Variants in ITPK1 observed in about 807,000 individuals in gnomAD.
ITPK1 encodes inositol 1,3,4-trisphosphate 5/6-kinase.
ITPK1 carries 21 observed loss-of-function variants against 45.3 expected under a neutral mutation model. That is an observed-to-expected ratio of 0.46 (90% CI 0.33 to 0.67). ITPK1 has a LOEUF of 0.67. ITPK1 is among the 30% of genes least tolerant of loss of function. ITPK1 has a pLI of 0.02. For synonymous variants in ITPK1, 258 were observed against 253.6 expected (o/e 1.02, Z -0.16); for missense variants, 474 against 573.5 (o/e 0.83, Z 1.77).
In ITPK1 at chr14:93,107,463, C is replaced by T. The variant is rs150935916; in HGVS notation, c.95+7606G>A. Among the ~76,000 whole-genome samples the T allele has an allele frequency of 4.4e-3, 673 of 152,250 alleles. 5 individuals are homozygous for T. Among genetic ancestry groups the T allele is most frequent in the South Asian group, 0.011 (51 of 4,826 alleles). On this transcript the variant is annotated intron_variant, in intron 2 of 10. Transcript: ENST00000267615. ...TAAGTATCAGTGAAGATTCTGACGG[C>T]GAGAGAGGTTTGGAACGAAGACATC...
At chr14:93,074,227 T>C (rs1256946308) in intron 3 of ITPK1, among the ~76,000 whole-genome samples, 1 of 152,236 alleles carries the variant, frequency 6.6e-6, no homozygotes, top group African/African-American at 2.4e-5. Context: ...GGCTTCGTTC[T>C]GGTCCCCAGC....
intron 2 of ITPK1, among the ~76,000 whole-genome samples, chr14:93,107,428 G>A (rs1892568863): frequency 6.6e-6 from 1 of 152,208 alleles, no homozygotes; most frequent in Admixed American, 6.5e-5. Flanking sequence ...CAGGCCCAGT[G>A]GTGGGGGCCT....
At chr14:92,970,698 C>T (rs1447531127) in intron 5 of ITPK1, among the ~76,000 whole-genome samples, 1 of 151,608 alleles carries the variant, frequency 6.6e-6, no homozygotes, top group Non-Finnish European at 1.5e-5. Flanking sequence ...TGCAGTGGCG[C>T]GATCTCTGCT....
At chr14:93,005,608 GTGGTGGAAAGGGACCAGTCCTTGGT>G (rs1282807626) in intron 4 of ITPK1, among the ~76,000 whole-genome samples, 1 of 152,182 alleles carries the variant, frequency 6.6e-6, no homozygotes, top group African/African-American at 2.4e-5. Flanking sequence ...GCTTCCTAAG[GTGGTGGAAAGGGACCAGTCCTTGGT>G]TGGTGGCAGT....
At chr14:92,998,274 C>T (rs760110888) in intron 4 of ITPK1, among the ~76,000 whole-genome samples, 2 of 152,180 alleles carry the variant, frequency 1.3e-5, no homozygotes, top group East Asian at 1.9e-4. Context: ...CTAAACCTGA[C>T]GCAAGGTTTC....
rs183220363 is a variant in ITPK1 at position 93,049,757 on chromosome 14, G to C, written c.120+26838C>G. Among the ~76,000 whole-genome samples the C allele has an allele frequency of 1.3e-3, 156 of 122,800 alleles. 1 individual carries two copies. Among genetic ancestry groups the C allele is most frequent in the African/African-American group, 4.3e-3 (143 of 33,062 alleles). 80.6% of individuals were successfully genotyped at this position (122,800 alleles called of 152,430 possible). On this transcript the variant is annotated intron_variant, in intron 3 of 10. Coordinates refer to ENST00000267615, the MANE Select transcript of ITPK1 (RefSeq NM_014216.6). The stretch of plus-strand genomic sequence containing the variant: ...GGTCACAGAACAGAAGGACGGGGGT[G>C]GGGGGTGGGTAAGGAAATATCCAGA...
At chr14:92,963,473 G>A (rs1051378150) in intron 5 of ITPK1, among the ~76,000 whole-genome samples, 1 of 152,194 alleles carries the variant, frequency 6.6e-6, no homozygotes, top group African/African-American at 2.4e-5. Flanking sequence ...CCCCTCACCT[G>A]CAGACTACTT....
Position 92,940,188 on chromosome 14 carries a change from A to G in ITPK1, c.*1373T>C, listed in dbSNP as rs1037531849. On this transcript the variant is annotated 3_prime_UTR_variant, in exon 11 of 11. Coordinates refer to ENST00000267615, the MANE Select transcript of ITPK1 (RefSeq NM_014216.6). ...TCTCGGGACACTCAGCACTTTCTCTAGCGTCCTCCATCTCACTGGGCAGAG... is the reference window on the plus strand; with the variant it reads ...TCTCGGGACACTCAGCACTTTCTCTGGCGTCCTCCATCTCACTGGGCAGAG... The G allele has an allele frequency of 3.0e-6, 3 of 985,752 alleles. No homozygotes were observed. Among genetic ancestry groups the G allele is most frequent in the Non-Finnish European group, 3.6e-6 (3 of 830,188 alleles). The allele number at this position is 985,752 out of a possible 1,614,324, so 61.1% of individuals were successfully genotyped here.
At chr14:93,112,612 G>T (rs1180420191) in intron 2 of ITPK1, among the ~76,000 whole-genome samples, 1 of 151,882 alleles carries the variant, frequency 6.6e-6, no homozygotes, top group Non-Finnish European at 1.5e-5. Context: ...GCTAATTTTT[G>T]TATTTTTAGT....
Position 92,939,611 on chromosome 14 carries a change from A to C in ITPK1, c.*1950T>G. The C allele has an allele frequency of 2.2e-4, 133 of 594,036 alleles. No individual in the cohort carries two copies. The highest frequency in any genetic ancestry group is 2.4e-4 in the Non-Finnish European group (116 of 475,566). 36.8% of individuals were successfully genotyped at this position (594,036 alleles called of 1,614,324 possible). A position where few individuals can be genotyped will look rare whatever the true frequency, so the allele number is the denominator to read the frequency against. On this transcript the variant is annotated 3_prime_UTR_variant, in exon 11 of 11. Transcript: ENST00000267615. ...CAGCCCCGCCCCCGCCCCACCACGG[A>C]GGCCTATGGACGCCACCACGACACC...
intron 3 of ITPK1, among the ~76,000 whole-genome samples, chr14:93,048,552 C>T (rs1256880120): frequency 6.6e-6 from 1 of 152,188 alleles, no homozygotes; most frequent in Non-Finnish European, 1.5e-5. Flanking sequence ...TGTCGCCTCA[C>T]GCTCACAAGA....
At chr14:93,081,920 G>A (rs578152149) in intron 2 of ITPK1, among the ~76,000 whole-genome samples, 30 of 152,196 alleles carry the variant, frequency 2.0e-4, no homozygotes, top group Middle Eastern at 3.2e-3. Context: ...ACCACCACTG[G>A]AGCGTGTCAA....
intron 7 of ITPK1, among the ~76,000 whole-genome samples, chr14:92,959,440 T>C (rs891358680): frequency 6.6e-6 from 1 of 151,724 alleles, no homozygotes; most frequent in Non-Finnish European, 1.5e-5. Flanking sequence ...AGGACAGACG[T>C]GGAAATCCAG....
intron 9 of ITPK1, among the ~76,000 whole-genome samples, chr14:92,949,598 C>T (rs564014693): frequency 2.0e-5 from 3 of 152,332 alleles, no homozygotes; most frequent in Non-Finnish European, 4.4e-5. Context: ...TGTTTTCTTG[C>T]CCCAGTAAAT....
In ITPK1 at chr14:93,012,696, T is replaced by C. The variant is rs1296235457; in HGVS notation, c.246+3980A>G. On this transcript the variant is annotated intron_variant, in intron 4 of 10. Coordinates refer to ENST00000267615, the MANE Select transcript of ITPK1 (RefSeq NM_014216.6). The surrounding 1 kb of genome is among the most constrained non-coding windows in gnomAD (Gnocchi z 4.9). ...AGTGCTGCCGCAGAGGACACTCTCC[T>C]AGCAGTCTGTGTGCAGACCGGGAAT... Among the ~76,000 whole-genome samples the C allele has an allele frequency of 2.0e-5, 3 of 152,176 alleles. No individual in the cohort carries two copies. The highest frequency in any genetic ancestry group is 6.5e-5 in the Admixed American group (1 of 15,288).
intron 5 of ITPK1, among the ~76,000 whole-genome samples, chr14:92,977,133 C>T (rs1475737183): frequency 6.6e-6 from 1 of 152,214 alleles, no homozygotes; most frequent in African/African-American, 2.4e-5. Flanking sequence ...CAGGTTAACA[C>T]ACAAAGCACT....
chr14:92,946,134 G>A (rs1451949309), intron 10 of ITPK1, among the ~76,000 whole-genome samples, 197 bp downstream of exon 10: 2 of 152,156 alleles, frequency 1.3e-5, no homozygotes, highest in African/African-American at 4.8e-5. Flanking sequence ...TGGACGTGCA[G>A]CTCTCCCTCC....
chr14:93,073,947 C>T (rs1891119277), intron 3 of ITPK1, among the ~76,000 whole-genome samples: 1 of 152,180 alleles, frequency 6.6e-6, no homozygotes, highest in Non-Finnish European at 1.5e-5. Context: ...AGCAAGGGGA[C>T]GTGTGTCCTC....
chr14:93,050,072 G>A (rs900318985), intron 3 of ITPK1, among the ~76,000 whole-genome samples: 1 of 152,150 alleles, frequency 6.6e-6, no homozygotes, highest in African/African-American at 2.4e-5. Context: ...GGCCTTCCCG[G>A]GGCAAAACAA....
Sources: gnomAD v4.1 joint callset for allele counts (sites outside exome capture counted in the v4.1 genomes callset) on GRCh38, gnomAD v4.1.1 for gene constraint, Gnocchi (gnomAD v3.1) non-coding constraint, MANE v1.5 for transcripts, NCBI Gene and HGNC (gene_info 2026-07-23, HGNC 2026-07-21) for gene names.